IWS1: variants seen among roughly 807,000 people sequenced by gnomAD.
The protein encoded by IWS1 is protein IWS1 homolog.
A neutral mutation model predicts 86.7 loss-of-function variants in IWS1; 27 were observed. The ratio of observed to expected loss-of-function variants is 0.31; its 90% CI spans 0.23 to 0.43. The LOEUF is 0.43. Ranked by LOEUF, IWS1 falls within the 20% of genes least tolerant of loss-of-function variation. The pLI, the probability that IWS1 is intolerant of heterozygous loss-of-function variation, is 1.00. For synonymous variants in IWS1, 313 were observed against 335.1 expected, an observed-to-expected ratio of 0.93 and a Z score of 0.72; for missense variants, 827 against 1,000.8, an observed-to-expected ratio of 0.83 and a Z score of 2.34.
chr2:127,505,781 A>G lies in IWS1; in HGVS notation c.151-29T>C, dbSNP rs535440931. On this transcript the variant is annotated intron_variant, in intron 2 of 13. Coordinates refer to ENST00000295321, the MANE Select transcript of IWS1 (RefSeq NM_017969.3). This position sits in a 1 kb window ranked among gnomAD's most constrained non-coding sequence, Gnocchi z 5.0. ...AAAAATAAAGTGAGAAAAAATTAGG[A>G]AAGTGCAAAAAAAAAAAAACCATTA... is the stretch of plus-strand genomic sequence containing the variant. 1.9e-5 allele frequency: 25 copies of G among 1,349,206 alleles called. No homozygotes were observed. Among genetic ancestry groups the G allele is most frequent in the Admixed American group, 4.8e-5 (2 of 41,730 alleles). 83.6% of individuals were successfully genotyped at this position (1,349,206 alleles called of 1,614,324 possible).
intron 6 of IWS1, among the ~76,000 whole-genome samples, 179 bp from the exon 7 acceptor site, chr2:127,496,327 A>G (rs941972573): frequency 3.3e-5 from 5 of 152,194 alleles, no homozygotes; most frequent in Non-Finnish European, 5.9e-5. Flanking sequence ...ACGGACTGCA[A>G]ATACGACGGT....
chr2:127,517,441 C>T (rs1419789370), intron 2 of IWS1, among the ~76,000 whole-genome samples: 1 of 152,138 alleles, frequency 6.6e-6, no homozygotes, highest in African/African-American at 2.4e-5. Flanking sequence ...GCCATATATC[C>T]TATGGTCAAC....
chr2:127,517,857 A>G (rs1691860787), intron 2 of IWS1, among the ~76,000 whole-genome samples: 1 of 152,238 alleles, frequency 6.6e-6, no homozygotes, highest in Non-Finnish European at 1.5e-5. Context: ...AATATAGTAT[A>G]TCCATATAAT....
rs1263768019 is a variant in IWS1 at position 127,505,360 on chromosome 2, T to A, written c.543A>T (p.Gln181His). The change falls in exon 3 of 14, where the codon CAA becomes CAT. Residue 181 changes from glutamine to histidine, a missense_variant. Gln to His is a conservative substitution (Grantham distance 24, BLOSUM62 0). Transcript: ENST00000295321. The surrounding 1 kb of genome is among the most constrained non-coding windows in gnomAD (Gnocchi z 5.0). ...DSETEDALKP[Q>H]ISDSESEEPP... ...GTTCCTCACTCTCAGAGTCACTGAT[T>A]TGAGGTTTTAGAGCATCTTCTGTTT... The A allele has an allele frequency of 2.5e-6, 4 of 1,614,046 alleles. No individual in the cohort carries two copies. The East Asian group carries it at 8.9e-5, about 36-fold the overall frequency.
At position 127,504,863 on chromosome 2, in the gene IWS1, T is replaced by A; in HGVS notation, c.1040A>T (p.Asp347Val). Residue 347 changes from aspartate (D) to valine (V), a missense_variant, in exon 3 of 14, where the codon GAC (aspartate) becomes GTC (valine). Asp to Val is a radical substitution (Grantham distance 152, BLOSUM62 -3). Transcript: ENST00000295321. ...NKGEDTEMQN[D>V]SFHSDSHMDR... ...CATATGGCTGTCTGAATGGAAGGAG[T>A]CATTCTGCATTTCTGTATCCTCTCC... 6.2e-7 allele frequency: 1 copy of A among 1,614,036 alleles called. No individual in the cohort carries two copies. The highest frequency in any genetic ancestry group is 1.1e-5 in the South Asian group (1 of 91,066).
At chr2:127,487,555 C>T (rs925748846) in intron 12 of IWS1, among the ~76,000 whole-genome samples, 3 of 152,228 alleles carry the variant, frequency 2.0e-5, no homozygotes, top group African/African-American at 4.8e-5. Context: ...ACAGTTTACC[C>T]CATTTTTAAC....
Position 127,494,945 on chromosome 2 carries a change from G to T in IWS1, c.1726C>A (p.Gln576Lys). The T allele has an allele frequency of 6.3e-7, 1 of 1,587,200 alleles. No homozygotes were observed. The highest frequency in any genetic ancestry group is 8.6e-7 in the Non-Finnish European group (1 of 1,164,692). The change falls in exon 8 of 14, where the codon CAG (glutamine) becomes AAG (lysine). Residue 576 changes from glutamine (Q) to lysine (K), a missense_variant. Coordinates refer to ENST00000295321, the MANE Select transcript of IWS1 (RefSeq NM_017969.3). The stretch of plus-strand genomic sequence containing the variant: ...GCTGGCTTTTTTTGATTGTTCAACT[G>T]TCTGTCTTCCTATTCAGAAAAAAAA... ...KMNEAAEEDR[Q>K]LNNQKKPALK... is the part of the protein sequence containing the mutation.
intron 6 of IWS1, among the ~76,000 whole-genome samples, chr2:127,497,150 T>C (rs2104682447): frequency 6.6e-6 from 1 of 152,350 alleles, no homozygotes; most frequent in South Asian, 2.1e-4. Context: ...GAACCTGCTA[T>C]TAAAAGAACG....
In IWS1 at chr2:127,489,631, A is replaced by G; in HGVS notation, c.2159+201T>C. On this transcript the variant is annotated intron_variant, in intron 11 of 13. Transcript: ENST00000295321. This position sits in a 1 kb window ranked among gnomAD's most constrained non-coding sequence, Gnocchi z 4.8. ...AGGCCCTGTTCCAACAAACTGACCC[A>G]GAAAGGTCTGGTTAGGAGGACAGGA... is the stretch of plus-strand genomic sequence containing the variant. The G allele has an allele frequency of 1.8e-6, 1 of 555,686 alleles. No individual in the cohort carries two copies. Among genetic ancestry groups the G allele is most frequent in the South Asian group, 2.5e-5 (1 of 40,490 alleles). 34.4% of individuals were successfully genotyped at this position (555,686 alleles called of 1,614,324 possible).
chr2:127,498,374 C>T (rs1204770511), intron 5 of IWS1, 137 bp from the exon 6 acceptor site: 1 of 744,970 alleles, frequency 1.3e-6, no homozygotes, highest in Non-Finnish European at 2.1e-6. Context: ...ACAAAAGGTC[C>T]CTCTCCAGCC....
chr2:127,523,403 C>A (rs1385845829), intron 2 of IWS1, among the ~76,000 whole-genome samples: 3 of 152,130 alleles, frequency 2.0e-5, no homozygotes, highest in Non-Finnish European at 4.4e-5. Context: ...AGTCAAATAT[C>A]AAAGGCCGGG....
intron 6 of IWS1, among the ~76,000 whole-genome samples, chr2:127,497,751 G>A (rs150128932): frequency 8.5e-5 from 13 of 152,272 alleles, no homozygotes; most frequent in Non-Finnish European, 5.9e-5. Context: ...ATTCCAACTA[G>A]CTCAACTAAA....
At chr2:127,493,098 A>G in intron 9 of IWS1, 183 bp downstream of exon 9, 3 of 465,232 alleles carry the variant, frequency 6.4e-6, no homozygotes, top group Non-Finnish European at 7.3e-6. Flanking sequence ...CGATAGTTAC[A>G]TGAAGTTTTA....
intron 8 of IWS1, 39 bp from the exon 9 acceptor site, chr2:127,493,449 G>A (rs766784983): frequency 6.4e-7 from 1 of 1,559,520 alleles, no homozygotes; most frequent in Non-Finnish European, 8.6e-7. Flanking sequence ...TGTGAACCTT[G>A]GTTCTACTGT....
chr2:127,496,195 T>C, intron 6 of IWS1, 47 bp from the exon 7 acceptor site: 1 of 1,568,426 alleles, frequency 6.4e-7, no homozygotes, highest in East Asian at 2.3e-5. Flanking sequence ...GTCTTTTAAA[T>C]ACACATTTAC....
At chr2:127,498,040 A>T in intron 6 of IWS1, 100 bp downstream of exon 6, 1 of 911,264 alleles carries the variant, frequency 1.1e-6, no homozygotes, top group Non-Finnish European at 1.7e-6. Flanking sequence ...CCCACTCCTA[A>T]ACTTAATCAG....
At chr2:127,483,578 G>GT (rs1689755039) in intron 13 of IWS1, among the ~76,000 whole-genome samples, 2 of 55,020 alleles carry the variant, frequency 3.6e-5, no homozygotes, top group South Asian at 6.2e-4. Flanking sequence ...GGTCGGGGCG[G>GT]GGGGTGGTGG....
intron 2 of IWS1, among the ~76,000 whole-genome samples, chr2:127,516,183 A>G (rs1691762737): frequency 1.3e-5 from 2 of 152,140 alleles, no homozygotes; most frequent in Non-Finnish European, 2.9e-5. Context: ...CAACGTGGCA[A>G]AACTCCATGT....
At chr2:127,502,748 T>C (rs2104696564) in intron 5 of IWS1, 67 bp downstream of exon 5, 1 of 769,518 alleles carries the variant, frequency 1.3e-6, no homozygotes, top group Non-Finnish European at 2.3e-6. Context: ...TCTATAATGG[T>C]ATCACTGCCA....
Sources: allele counts gnomAD v4.1 joint callset (sites outside exome capture counted in the v4.1 genomes callset), GRCh38; gene constraint gnomAD v4.1.1; non-coding constraint Gnocchi (gnomAD v3.1); transcripts MANE v1.5; gene names NCBI Gene and HGNC (gene_info 2026-07-23, HGNC 2026-07-21).